Variants in ACSS2 observed in about 807,000 individuals in gnomAD.
ACSS2 encodes acetyl-coenzyme A synthetase, cytoplasmic.
ACSS2 carries 58 observed loss-of-function variants against 90.6 expected under a neutral mutation model. The ratio of observed to expected loss-of-function variants is 0.64; its 90% CI spans 0.52 to 0.80. The LOEUF is 0.80. Ranked by LOEUF, ACSS2 falls within the 30% of genes least tolerant of loss-of-function variation. ACSS2 has a pLI of 0.00. For synonymous variants in ACSS2, 300 were observed against 330.9 expected (o/e 0.91, Z 1.01); for missense variants, 759 against 912.0 (o/e 0.83, Z 2.16).
rs2079983281 is a variant in ACSS2 at position 34,878,570 on chromosome 20, A to G, written c.178+1747A>G. Among the ~76,000 whole-genome samples, 4 of 152,246 alleles carry G rather than the reference A, an allele frequency of 2.6e-5. No homozygotes were observed. In the South Asian group the frequency reaches 8.3e-4, roughly 32 times the overall value. On this transcript the variant is annotated intron_variant, in intron 1 of 17. Coordinates refer to ENST00000360596, the MANE Select transcript of ACSS2 (RefSeq NM_018677.4). ...AAGCAATTACCAAGTAATGCAAGAC[A>G]GGATTCAATCAAGTGTAAAGTGGTG...
chr20:34,910,277 A>G (rs2080921243), intron 2 of ACSS2, among the ~76,000 whole-genome samples: 1 of 152,186 alleles, frequency 6.6e-6, no homozygotes, highest in African/African-American at 2.4e-5. Context: ...CACTAGTTGA[A>G]TTACCCTAGC....
At chr20:34,891,657 G>T (rs1345041473) in intron 2 of ACSS2, among the ~76,000 whole-genome samples, 1 of 152,160 alleles carries the variant, frequency 6.6e-6, no homozygotes, top group South Asian at 2.1e-4. Context: ...AATACCTGTT[G>T]TTGGGAACAG....
chr20:34,909,075 G>T, intron 2 of ACSS2: 1 of 352,098 alleles, frequency 2.8e-6, no homozygotes, highest in Non-Finnish European at 5.5e-6. Context: ...GCTTGGCACC[G>T]TGGCTCACAC....
At chr20:34,899,083 G>A (rs13339938) in intron 2 of ACSS2, among the ~76,000 whole-genome samples, 78 of 152,314 alleles carry the variant, frequency 5.1e-4, no homozygotes, top group South Asian at 2.9e-3. Context: ...GGCAGGGCCG[G>A]CCGGCTGCTC....
intron 2 of ACSS2, among the ~76,000 whole-genome samples, chr20:34,905,302 C>T (rs565190748): frequency 2.0e-5 from 3 of 151,538 alleles, no homozygotes; most frequent in Admixed American, 2.0e-4. Flanking sequence ...GCTCGGTCGC[C>T]CAGGCTGGAG....
intron 7 of ACSS2, 78 bp from the exon 8 acceptor site, chr20:34,919,357 T>C: frequency 6.3e-7 from 1 of 1,580,336 alleles, no homozygotes; most frequent in Non-Finnish European, 8.6e-7. Context: ...CCCACCTCAT[T>C]CCCTCCAGGG....
chr20:34,924,709 T>C (rs1450225995), intron 14 of ACSS2, among the ~76,000 whole-genome samples: 1 of 27,090 alleles, frequency 3.7e-5, no homozygotes, highest in Admixed American at 2.1e-4. Flanking sequence ...TGTTGTTTGT[T>C]TTTTTTTTGA....
At chr20:34,915,807 G>T (rs1175390292) in intron 7 of ACSS2, among the ~76,000 whole-genome samples, 1 of 152,170 alleles carries the variant, frequency 6.6e-6, no homozygotes, top group Non-Finnish European at 1.5e-5. Flanking sequence ...TATTGTAGGT[G>T]GTTCTAAGAA....
chr20:34,920,106 T>G (rs2081163610), intron 8 of ACSS2, among the ~76,000 whole-genome samples: 1 of 152,166 alleles, frequency 6.6e-6, no homozygotes. Context: ...AATAAGTCTT[T>G]AGAAACACAA....
Position 34,921,565 on chromosome 20 carries a change from C to A in ACSS2, c.1432C>A (p.Leu478Ile). Residue 478 changes from leucine (L) to isoleucine (I), a missense_variant, in exon 12 of 18, where the codon CTT (leucine) becomes ATT (isoleucine). Physicochemically the swap from Leu to Ile is conservative, Grantham distance 5 (BLOSUM62 2). Transcript: ENST00000360596. ...TETGGHMLTP[L>I]PGATPMKPGS... ...CCAGGGTGGCCACATGTTGACTCCC[C>A]TTCCTGGTGCCACACCCATGAAACC... 6.2e-7 allele frequency: 1 copy of A among 1,614,226 alleles called. No individual in the cohort carries two copies. The highest frequency in any genetic ancestry group is 8.5e-7 in the Non-Finnish European group (1 of 1,180,042).
intron 2 of ACSS2, among the ~76,000 whole-genome samples, chr20:34,895,852 C>T (rs1195411341): frequency 1.3e-5 from 2 of 152,034 alleles, no homozygotes; most frequent in East Asian, 1.9e-4. Flanking sequence ...AATAGAGTAC[C>T]GTAGATTGAG....
At chr20:34,878,083 GC>G (rs2079972665) in intron 1 of ACSS2, among the ~76,000 whole-genome samples, 1 of 152,150 alleles carries the variant, frequency 6.6e-6, no homozygotes. Flanking sequence ...ACAGGCGGAC[GC>G]CATGACACCC....
chr20:34,877,401 G>A (rs1040613542), intron 1 of ACSS2, among the ~76,000 whole-genome samples: 2 of 152,104 alleles, frequency 1.3e-5, no homozygotes, highest in Admixed American at 6.5e-5. Flanking sequence ...GAAATTACGC[G>A]GTATAAGACT....
chr20:34,882,033 T>A (rs1000659615), intron 1 of ACSS2, among the ~76,000 whole-genome samples: 1 of 152,168 alleles, frequency 6.6e-6, no homozygotes, highest in Non-Finnish European at 1.5e-5. Flanking sequence ...AAATTTACTT[T>A]CTAGTTAGAC....
At chr20:34,916,470 AT>A (rs2081080222) in intron 7 of ACSS2, among the ~76,000 whole-genome samples, 2 of 152,226 alleles carry the variant, frequency 1.3e-5, no homozygotes, top group African/African-American at 4.8e-5. Flanking sequence ...CAACAGACAG[AT>A]TGGCATTTCT....
At chr20:34,925,181 G>A (rs2081290171) in intron 14 of ACSS2, among the ~76,000 whole-genome samples, 1 of 152,170 alleles carries the variant, frequency 6.6e-6, no homozygotes, top group Non-Finnish European at 1.5e-5. Flanking sequence ...TCTGTGAACA[G>A]TTTCACTGGG....
chr20:34,915,081 A>G, intron 7 of ACSS2: 1 of 894,954 alleles, frequency 1.1e-6, no homozygotes, highest in South Asian at 1.5e-5. Context: ...TAGGGGCTGG[A>G]ATCAGGATCA....
At chr20:34,895,341 A>C (rs2080437393) in intron 2 of ACSS2, among the ~76,000 whole-genome samples, 1 of 152,238 alleles carries the variant, frequency 6.6e-6, no homozygotes, top group South Asian at 2.1e-4. Flanking sequence ...TGTTTTGCAT[A>C]GCCAGTTATC....
chr20:34,914,037 T>G, intron 5 of ACSS2, 59 bp from the exon 6 acceptor site: 1 of 1,573,698 alleles, frequency 6.4e-7, no homozygotes, highest in Non-Finnish European at 8.7e-7. Context: ...CTATGGACAT[T>G]GTGCCCACTA....
Sources: gnomAD v4.1 joint callset for allele counts (sites outside exome capture counted in the v4.1 genomes callset) on GRCh38, gnomAD v4.1.1 for gene constraint, MANE v1.5 for transcripts, NCBI Gene and HGNC (gene_info 2026-07-23, HGNC 2026-07-21) for gene names.